VCP: variants seen among roughly 807,000 people sequenced by gnomAD.
VCP encodes the protein valosin containing protein.
VCP carries 6 observed loss-of-function variants against 85.7 expected under a neutral mutation model. That is an observed-to-expected ratio of 0.07 (90% CI 0.04 to 0.14). VCP has a LOEUF of 0.14. VCP is among the 10% of genes least tolerant of loss of function. VCP has a pLI of 1.00. For missense variants in VCP, 353 were observed against 1,043.4 expected (o/e 0.34, Z 9.12); for synonymous variants, 384 against 367.1 (o/e 1.05, Z -0.53).
At position 35,062,364 on chromosome 9, in the gene VCP, G is replaced by C; in HGVS notation, c.812-14C>G. 1 of 1,614,096 alleles carries C rather than the reference G, an allele frequency of 6.2e-7. No homozygotes were observed. Among genetic ancestry groups the C allele is most frequent in the Non-Finnish European group, 8.5e-7 (1 of 1,180,038 alleles). The stretch of plus-strand genomic sequence containing the variant: ...TGATCTCAGGACCTGAAAGGATACA[G>C]AATGGAGACAATAACAAAATGATAG... On this transcript the variant is annotated splice_polypyrimidine_tract_variant and intron_variant, in intron 7 of 16. Transcript: ENST00000358901.
At chr9:35,058,937 G>T in intron 15 of VCP, 127 bp downstream of exon 15, 1 of 1,268,828 alleles carries the variant, frequency 7.9e-7, no homozygotes, top group Non-Finnish European at 1.1e-6. Flanking sequence ...TATCTTTGAT[G>T]CCCTATTAAA....
intron 4 of VCP, among the ~76,000 whole-genome samples, chr9:35,066,262 CTCTT>C (rs1828828272): frequency 9.5e-6 from 1 of 105,470 alleles, no homozygotes; most frequent in South Asian, 3.2e-4. Context: ...GAGACCCTGT[CTCTT>C]TTTTTTTTTT....
rs201410035 is a variant in VCP, at chr9:35,059,622, C to T, written c.1875G>A (p.Arg625=). 1 of 1,614,152 alleles carries T rather than the reference C, an allele frequency of 6.2e-7. No homozygotes were observed. The highest frequency in any genetic ancestry group is 1.3e-5 in the African/African-American group (1 of 75,014). Residue 625 remains arginine, a synonymous_variant, in exon 14 of 17, where the codon CGG becomes CGA. Coordinates refer to ENST00000358901, the MANE Select transcript of VCP (RefSeq NM_007126.5). This position sits in a 1 kb window ranked among gnomAD's most constrained non-coding sequence, Gnocchi z 4.9. ...KNVFIIGATN[R]PDIIDPAILR... ...GGATGGCAGGATCAATGATGTCAGG[C>T]CGGTTGGTAGCGCCAATGATGAACA... is the stretch of plus-strand genomic sequence containing the variant.
Position 35,061,020 on chromosome 9 carries a change from A to G in VCP, c.1354T>C (p.Phe452Leu). 1.2e-6 allele frequency: 2 copies of G among 1,614,160 alleles called. No homozygotes were observed. The highest frequency in any genetic ancestry group is 1.7e-6 in the Non-Finnish European group (2 of 1,180,022). Residue 452 changes from phenylalanine (F) to leucine (L), a missense_variant, in exon 11 of 17, where the codon TTC becomes CTC. By Grantham distance (22) the Phe-to-Leu change is conservative. Coordinates refer to ENST00000358901, the MANE Select transcript of VCP (RefSeq NM_007126.5). The part of the protein sequence containing the change: ...MNSLAVTMDD[F>L]RWALSQSNPS... The stretch of plus-strand genomic sequence containing the variant: ...GGCACGGGTGTGGTCCTTACCCGGA[A>G]GTCATCCATAGTAACTGCTAGAGAG...
Position 35,072,405 on chromosome 9 carries a change from C to T in VCP, c.-52G>A. ...TGTGGCGGCCCGCGGGTAACGGCTA[C>T]GAGCGGTGGCAAGCGACCGACTGGG... On this transcript the variant is annotated 5_prime_UTR_variant, in exon 1 of 17. Transcript: ENST00000358901. The T allele has an allele frequency of 2.1e-6, 3 of 1,462,784 alleles. No homozygotes were observed. The highest frequency in any genetic ancestry group is 5.8e-5 in the East Asian group (2 of 34,516). 90.6% of individuals were successfully genotyped at this position (1,462,784 alleles called of 1,614,324 possible). A position where few individuals can be genotyped will look rare whatever the true frequency, so the allele number is the denominator to read the frequency against.
intron 3 of VCP, 102 bp downstream of exon 3, chr9:35,067,789 A>T (rs887562702): frequency 4.9e-5 from 72 of 1,477,382 alleles, no homozygotes; most frequent in Non-Finnish European, 6.8e-5. Flanking sequence ...CTGCATCGAC[A>T]GGTGCCAAGA....
At chr9:35,060,284 A>G (rs1166210827) in intron 13 of VCP, 29 bp downstream of exon 13, 1 of 1,611,020 alleles carries the variant, frequency 6.2e-7, no homozygotes. Flanking sequence ...CAGGCAAATC[A>G]ATACATAGTT....
At chr9:35,067,762 C>A in intron 3 of VCP, 129 bp downstream of exon 3, 2 of 1,247,808 alleles carry the variant, frequency 1.6e-6, no homozygotes, top group Non-Finnish European at 2.3e-6. Flanking sequence ...TAAGTCTTCC[C>A]ATGACCAGGA....
At chr9:35,069,080 T>A (rs1323370038) in intron 1 of VCP, among the ~76,000 whole-genome samples, 1 of 152,158 alleles carries the variant, frequency 6.6e-6, no homozygotes, top group Admixed American at 6.5e-5. Flanking sequence ...ACCCTCCTTA[T>A]AGGCTAAACC....
chr9:35,070,800 G>T (rs867384653), intron 1 of VCP, among the ~76,000 whole-genome samples: 2 of 152,134 alleles, frequency 1.3e-5, no homozygotes, highest in Admixed American at 1.3e-4. Flanking sequence ...TACCATCCCG[G>T]ACTCTGGCTC....
Position 35,059,754 on chromosome 9 carries a change from C to T in VCP, c.1743G>A (p.Ser581=), listed in dbSNP as rs765596863. Residue 581 remains serine (S), a synonymous_variant, in exon 14 of 17, where the codon TCG becomes TCA. Transcript: ENST00000358901. The surrounding 1 kb of genome is among the most constrained non-coding windows in gnomAD (Gnocchi z 4.9). ...PCVLFFDELD[S]IAKARGGNIG... ...TGTTACCTCCACGAGCCTTGGCAATCGAATCCAGCTCATCAAAGAATAGCA... is the reference window on the plus strand; with the variant it reads ...TGTTACCTCCACGAGCCTTGGCAATTGAATCCAGCTCATCAAAGAATAGCA... 5.0e-6 allele frequency: 8 copies of T among 1,614,100 alleles called. No homozygotes were observed. Among genetic ancestry groups the T allele is most frequent in the South Asian group, 1.1e-5 (1 of 91,078 alleles).
At chr9:35,066,942 G>A in intron 3 of VCP, 125 bp from the exon 4 acceptor site, 20 of 1,459,628 alleles carry the variant, frequency 1.4e-5, no homozygotes, top group East Asian at 2.3e-5. Flanking sequence ...GGCTTTAGGC[G>A]AAGAGAGGAA....
intron 3 of VCP, 54 bp from the exon 4 acceptor site, chr9:35,066,871 T>G: frequency 6.2e-7 from 1 of 1,613,060 alleles, no homozygotes. Context: ...GCCCAAGCAC[T>G]GGGTGTCCAA....
chr9:35,057,048 G>T lies in VCP; in HGVS notation c.*69C>A. 1 of 1,545,708 alleles carries T rather than the reference G, an allele frequency of 6.5e-7. No individual in the cohort carries two copies. Among genetic ancestry groups the T allele is most frequent in the South Asian group, 1.1e-5 (1 of 89,336 alleles). On this transcript the variant is annotated 3_prime_UTR_variant, in exon 17 of 17. Transcript: ENST00000358901. ...GGGCGCACCCCTGGTCCCTCTCCTG[G>T]GCAAGCGCCCCCACCCCCAGGGAAC...
At chr9:35,057,735 CA>C (rs1828639276) in intron 15 of VCP, 2 of 660,308 alleles carry the variant, frequency 3.0e-6, no homozygotes, top group Non-Finnish European at 5.3e-6. Context: ...ACTGTAGGGA[CA>C]GAAATCACAT....
At chr9:35,063,536 AATC>A (rs1828768625) in intron 6 of VCP, among the ~76,000 whole-genome samples, 3 of 152,176 alleles carry the variant, frequency 2.0e-5, no homozygotes, top group Admixed American at 1.3e-4. Context: ...TGTTCCTTAC[AATC>A]ATCATTTTTC....
At position 35,068,204 on chromosome 9, in the gene VCP, C is replaced by T. The variant is rs10972300; in HGVS notation, c.129+47G>A. 333,467 of 1,607,896 alleles carry T rather than the reference C, an allele frequency of 0.21. 36,367 individuals are homozygous for T. Among genetic ancestry groups the T allele is most frequent in the South Asian group, 0.24 (21,540 of 90,922 alleles). ...TGAGAAAAGAAACCTGGGAAAATCC[C>T]TCAAGTAAGTGCAGTAAGGAAAGAC... On this transcript the variant is annotated intron_variant, in intron 2 of 16. Transcript: ENST00000358901.
chr9:35,071,309 T>G lies in VCP; in HGVS notation c.17+1028A>C, dbSNP rs1412950616. ...GCTGGCTGTGTTTTTTTTTTTTTTT[T>G]TTTTTTTTTTTTTGCCTCTAAAAGC... On this transcript the variant is annotated intron_variant, in intron 1 of 16. Coordinates refer to ENST00000358901, the MANE Select transcript of VCP (RefSeq NM_007126.5). Among the ~76,000 whole-genome samples, 16 of 144,044 alleles carry G rather than the reference T, an allele frequency of 1.1e-4. 1 individual carries two copies. Among genetic ancestry groups the G allele is most frequent in the African/African-American group, 3.9e-4 (15 of 38,542 alleles). The allele number at this position is 144,044 out of a possible 152,430, so 94.5% of individuals were successfully genotyped here.
intron 4 of VCP, 31 bp from the exon 5 acceptor site, chr9:35,065,412 G>C (rs1449559973): frequency 1.2e-6 from 2 of 1,613,776 alleles, no homozygotes; most frequent in South Asian, 1.1e-5. Flanking sequence ...AGCACAGTTA[G>C]AGGTGTCAAC....
Sources: allele counts gnomAD v4.1 joint callset (sites outside exome capture counted in the v4.1 genomes callset), GRCh38; gene constraint gnomAD v4.1.1; non-coding constraint Gnocchi (gnomAD v3.1); transcripts MANE v1.5; gene names NCBI Gene and HGNC (gene_info 2026-07-23, HGNC 2026-07-21).